The following ZSCAN5A variants were observed in gnomAD, a reference collection of about 807,000 sequenced individuals.
The protein encoded by ZSCAN5A is zinc finger and SCAN domain-containing protein 5A.
Under a neutral mutation model 23.7 loss-of-function variants are expected in ZSCAN5A, and 12 were observed. That is an observed-to-expected ratio of 0.51 (90% CI 0.32 to 0.82). The LOEUF (loss-of-function observed/expected upper bound fraction) is 0.82. Among genes scored for constraint, ZSCAN5A ranks in the 40% least tolerant of loss-of-function variants. The pLI, the probability that ZSCAN5A is intolerant of heterozygous loss-of-function variation, is 0.03. For missense variants in ZSCAN5A, 597 were observed against 617.9 expected (o/e 0.97, Z 0.36); for synonymous variants, 257 against 239.9 (o/e 1.07, Z -0.66).
chr19:56,348,801 C>G (rs1054468826), intron 2 of ZSCAN5A, among the ~76,000 whole-genome samples: 1 of 152,104 alleles, frequency 6.6e-6, no homozygotes, highest in Non-Finnish European at 1.5e-5. Context: ...TAAAAGGAAA[C>G]AAGGTAGCCG....
chr19:56,282,743 G>A (rs1041360183), intron 2 of ZSCAN5A, among the ~76,000 whole-genome samples: 1 of 152,142 alleles, frequency 6.6e-6, no homozygotes, highest in East Asian at 1.9e-4. Context: ...TTCATGGTCC[G>A]CACATGGCTC....
intron 2 of ZSCAN5A, among the ~76,000 whole-genome samples, chr19:56,288,061 G>C (rs1234030206): frequency 1.3e-5 from 2 of 152,308 alleles, no homozygotes; most frequent in Middle Eastern, 3.4e-3. Flanking sequence ...GTGAGTTGCT[G>C]ATGGTCACGA....
rs2041611252 is a variant in ZSCAN5A, at chr19:56,343,657, G to A, written c.-358+19578C>T. ...AGGTAGTGAGTAGTAAAACTCTTCT[G>A]CCTCGGGGTTTGCCTCCGGCACTCA... On this transcript the variant is annotated intron_variant, in intron 2 of 6. Transcript: ENST00000587340. Among the ~76,000 whole-genome samples the A allele has an allele frequency of 2.6e-5, 4 of 152,228 alleles. No individual in the cohort carries two copies. The South Asian group carries it at 8.3e-4, about 31-fold the overall frequency.
At chr19:56,309,732 G>A (rs568775542) in intron 2 of ZSCAN5A, among the ~76,000 whole-genome samples, 1 of 152,310 alleles carries the variant, frequency 6.6e-6, no homozygotes, top group Non-Finnish European at 1.5e-5. Flanking sequence ...CCTGCGGGGC[G>A]CGCCCTCTAG....
At chr19:56,243,962 G>C in intron 2 of ZSCAN5A, 1 of 600,420 alleles carries the variant, frequency 1.7e-6, no homozygotes, top group Non-Finnish European at 3.0e-6. Flanking sequence ...ACCAAAGGAG[G>C]CCTGTCTAGA....
chr19:56,342,846 C>A (rs2041604819), intron 2 of ZSCAN5A: 5 of 895,560 alleles, frequency 5.6e-6, no homozygotes, highest in South Asian at 5.2e-5. Context: ...TCAAAAGCAC[C>A]CCCTGGAATC....
intron 1 of ZSCAN5A, among the ~76,000 whole-genome samples, chr19:56,366,660 G>A (rs969096158): frequency 1.2e-4 from 19 of 152,104 alleles, no homozygotes; most frequent in African/African-American, 4.6e-4. Flanking sequence ...TATTTTCTTT[G>A]CCTTGTTTCT....
chr19:56,272,768 C>T (rs998971297), intron 2 of ZSCAN5A: 4 of 612,566 alleles, frequency 6.5e-6, no homozygotes, highest in Non-Finnish European at 8.2e-6. Flanking sequence ...CCTGGGAAGA[C>T]GGTGGGTGAC....
chr19:56,253,043 A>AG (rs1490862527), intron 2 of ZSCAN5A, among the ~76,000 whole-genome samples: 1 of 152,230 alleles, frequency 6.6e-6, no homozygotes, highest in Non-Finnish European at 1.5e-5. Context: ...TTGCCAGGAC[A>AG]GCTCCGTGAT....
At chr19:56,359,686 A>C (rs548974129) in intron 2 of ZSCAN5A, among the ~76,000 whole-genome samples, 4 of 152,262 alleles carry the variant, frequency 2.6e-5, no homozygotes, top group Non-Finnish European at 5.9e-5. Context: ...TCAATAAAAT[A>C]CTGGCAAACC....
chr19:56,320,242 T>C (rs918604939), intron 2 of ZSCAN5A: 1 of 540,426 alleles, frequency 1.9e-6, no homozygotes, highest in Non-Finnish European at 3.5e-6. Context: ...TCAACAATCC[T>C]GAGTAGGGCT....
At chr19:56,353,508 G>A (rs1039814732) in intron 2 of ZSCAN5A, among the ~76,000 whole-genome samples, 10 of 152,244 alleles carry the variant, frequency 6.6e-5, no homozygotes, top group South Asian at 2.1e-4. Context: ...GGTGGCTCAC[G>A]CCTGTAATCC....
In ZSCAN5A at chr19:56,272,914, G is replaced by A. The variant is rs183769204; in HGVS notation, c.-128+40369C>T. 41 of 984,962 alleles carry A rather than the reference G, an allele frequency of 4.2e-5. No homozygotes were observed. In the East Asian group the frequency reaches 2.8e-3, roughly 68 times the overall value. 61.0% of individuals were successfully genotyped at this position (984,962 alleles called of 1,614,324 possible). A position where few individuals can be genotyped will look rare whatever the true frequency, so the allele number is the denominator to read the frequency against. On this transcript the variant is annotated intron_variant, in intron 2 of 5. Coordinates refer to ENST00000683990, the MANE Select transcript of ZSCAN5A (RefSeq NM_001322064.3). ...GGATTGGCAGAAGCCTGTACTCCTC[G>A]TGAAGGTAATGCTTCCAGCCATGCC...
chr19:56,346,883 A>T lies in ZSCAN5A; in HGVS notation c.-358+16352T>A, dbSNP rs2041637469. On this transcript the variant is annotated intron_variant, in intron 2 of 6. Coordinates refer to the ZSCAN5A transcript ENST00000587340. ...GCTGGGACTACAGGCACCTGCTACC[A>T]TGCCCGGCCAATTTTTTGTATTTTT... Among the ~76,000 whole-genome samples, 3 of 152,046 alleles carry T rather than the reference A, an allele frequency of 2.0e-5. No homozygotes were observed. The South Asian group carries it at 6.2e-4, about 32-fold the overall frequency.
intron 2 of ZSCAN5A, among the ~76,000 whole-genome samples, chr19:56,238,971 A>G (rs1162437486): frequency 1.3e-5 from 2 of 152,224 alleles, no homozygotes; most frequent in Non-Finnish European, 2.9e-5. Flanking sequence ...ACTCACTATC[A>G]ACGCCTCAAT....
At chr19:56,247,047 A>ACTG (rs762854211) in intron 2 of ZSCAN5A, 8 of 825,308 alleles carry the variant, frequency 9.7e-6, no homozygotes, top group African/African-American at 8.4e-5. Context: ...AAGCCAAGGA[A>ACTG]CTGCTGCCCT....
At chr19:56,329,311 T>C (rs1227319417) in intron 2 of ZSCAN5A, among the ~76,000 whole-genome samples, 2 of 152,080 alleles carry the variant, frequency 1.3e-5, no homozygotes, top group Non-Finnish European at 2.9e-5. Context: ...ATCGTGTCAC[T>C]GTACTCCAGC....
intron 4 of ZSCAN5A, among the ~76,000 whole-genome samples, chr19:56,223,008 C>G (rs2033448068): frequency 6.6e-6 from 1 of 152,174 alleles, no homozygotes; most frequent in African/African-American, 2.4e-5. Flanking sequence ...ATATTTCTCC[C>G]CGCCGTGCCA....
Position 56,351,606 on chromosome 19 carries a change from A to C in ZSCAN5A, c.-358+11629T>G, listed in dbSNP as rs2041667824. Among the ~76,000 whole-genome samples the C allele has an allele frequency of 1.3e-5, 2 of 151,812 alleles. No individual in the cohort carries two copies. The highest frequency in any genetic ancestry group is 4.8e-5 in the African/African-American group (2 of 41,282). On this transcript the variant is annotated intron_variant, in intron 2 of 6. Coordinates refer to the ZSCAN5A transcript ENST00000587340. The surrounding 1 kb of genome is among the most constrained non-coding windows in gnomAD (Gnocchi z 4.8). The stretch of plus-strand genomic sequence containing the variant: ...GCTGTTCTCTTCTTTCTTCCTTCTT[A>C]CTTGCTATTAAACTTTTCACTCCTT...
Sources: allele counts gnomAD v4.1 joint callset (sites outside exome capture counted in the v4.1 genomes callset), GRCh38; gene constraint gnomAD v4.1.1; non-coding constraint Gnocchi (gnomAD v3.1); transcripts MANE v1.5; gene names NCBI Gene and HGNC (gene_info 2026-07-23, HGNC 2026-07-21).